Variants in BRCA2 observed in about 807,000 individuals in gnomAD.
BRCA2 encodes breast cancer type 2 susceptibility protein.
In BRCA2, 203 loss-of-function variants were observed where a neutral mutation model predicts 276.7. The observed-to-expected ratio is 0.73, with a 90% CI of 0.65 to 0.82. The LOEUF is 0.82. Ranked by LOEUF, BRCA2 falls within the 40% of genes least tolerant of loss-of-function variation. BRCA2 has a pLI of 0.00. For synonymous variants in BRCA2, 1,289 were observed against 1,338.4 expected, an observed-to-expected ratio of 0.96 and a Z score of 0.81; for missense variants, 3,920 against 3,915.0, an observed-to-expected ratio of 1.00 and a Z score of -0.03.
chr13:32,336,190 T>C, intron 10 of BRCA2, 75 bp from the exon 11 acceptor site: 1 of 1,485,282 alleles, frequency 6.7e-7, no homozygotes. Context: ...CACTACCTTT[T>C]TAACTTAGTG....
intron 16 of BRCA2, among the ~76,000 whole-genome samples, chr13:32,358,450 T>C (rs2072716273): frequency 6.9e-6 from 1 of 144,030 alleles, no homozygotes; most frequent in Admixed American, 7.2e-5. Flanking sequence ...CACTCCAGGC[T>C]GGGCGATAAG....
At chr13:32,321,218 T>A (rs183217712) in intron 3 of BRCA2, among the ~76,000 whole-genome samples, 1 of 152,068 alleles carries the variant, frequency 6.6e-6, no homozygotes, top group East Asian at 1.9e-4. Flanking sequence ...GATAAGGGAG[T>A]CATCCATTCT....
intron 24 of BRCA2, among the ~76,000 whole-genome samples, chr13:32,388,560 T>G (rs1314234161): frequency 6.6e-6 from 1 of 152,206 alleles, no homozygotes; most frequent in East Asian, 1.9e-4. Flanking sequence ...GGCCTTGCGT[T>G]AGATGATTTT....
chr13:32,385,046 CA>C, intron 24 of BRCA2: 1 of 318,216 alleles, frequency 3.1e-6, no homozygotes. Flanking sequence ...AAGAAGTTTT[CA>C]AGTCCTTTCT....
At chr13:32,362,339 T>C (rs982796041) in intron 16 of BRCA2, among the ~76,000 whole-genome samples, 184 bp from the exon 17 acceptor site, 1 of 152,224 alleles carries the variant, frequency 6.6e-6, no homozygotes, top group African/African-American at 2.4e-5. Flanking sequence ...AATGAAGTTT[T>C]TATCAGTATG....
At chr13:32,329,846 T>TA (rs1421480819) in intron 8 of BRCA2, among the ~76,000 whole-genome samples, 1 of 152,036 alleles carries the variant, frequency 6.6e-6, no homozygotes, top group African/African-American at 2.4e-5. Context: ...TATAAGCACA[T>TA]ACCCTGTGAT....
rs80359657 is a variant in BRCA2, at chr13:32,356,530, C to CA, written c.7543dup (p.Thr2515AsnfsTer24). 2 of 1,614,098 alleles carry CA rather than the reference C, an allele frequency of 1.2e-6. No homozygotes were observed. The highest frequency in any genetic ancestry group is 1.3e-5 in the African/African-American group (1 of 74,946). The stretch of plus-strand genomic sequence containing the variant: ...CCACAGCCAGGCAGTCTGTATCTTG[C>CA]AAAAACATCCACTCTGCCTCGAATC... On this transcript the variant is annotated frameshift_variant, in exon 15 of 27. Transcript: ENST00000380152. LOFTEE classifies it high-confidence loss of function.
chr13:32,376,588 G>T (rs2137611895), intron 20 of BRCA2, 82 bp from the exon 21 acceptor site: 2 of 1,437,846 alleles, frequency 1.4e-6, no homozygotes, highest in Non-Finnish European at 1.9e-6. Flanking sequence ...TCCCTTCTTT[G>T]GGTGTTTTAT....
intron 7 of BRCA2, 118 bp downstream of exon 7, chr13:32,326,731 G>T: frequency 1.3e-6 from 1 of 746,328 alleles, no homozygotes. Context: ...TCTTTGATAA[G>T]TGTGTTAGTA....
At chr13:32,380,877 C>G (rs2072920646) in intron 24 of BRCA2, among the ~76,000 whole-genome samples, 1 of 152,132 alleles carries the variant, frequency 6.6e-6, no homozygotes, top group Non-Finnish European at 1.5e-5. Context: ...TATGGTCTTA[C>G]TAAGTTCAAT....
intron 24 of BRCA2, among the ~76,000 whole-genome samples, chr13:32,391,940 A>C (rs183210340): frequency 2.0e-5 from 3 of 152,342 alleles, no homozygotes; most frequent in East Asian, 3.9e-4. Flanking sequence ...TCTGTATTCT[A>C]AATGTTTTTC....
intron 2 of BRCA2, among the ~76,000 whole-genome samples, chr13:32,316,850 T>C (rs2072265487): frequency 6.6e-6 from 1 of 152,190 alleles, no homozygotes; most frequent in Non-Finnish European, 1.5e-5. Context: ...AAAAATGATC[T>C]AGGACCCCCG....
In BRCA2 at chr13:32,340,136, A is replaced by C. The variant is rs773679288; in HGVS notation, c.5781A>C (p.Glu1927Asp). Residue 1927 changes from glutamate (E) to aspartate (D), a missense_variant, in exon 11 of 27, where the codon GAA becomes GAC. Coordinates refer to ENST00000380152, the MANE Select transcript of BRCA2 (RefSeq NM_000059.4). ...SHKVFADIQS[E>D]EILQHNQNMS... ...AGGTTTTTGCTGACATTCAGAGTGA[A>C]GAAATTTTACAACATAACCAAAATA... 6.2e-7 allele frequency: 1 copy of C among 1,613,326 alleles called. No homozygotes were observed.
rs587782581 is a variant in BRCA2 at position 32,338,125 on chromosome 13, C to T, written c.3770C>T (p.Pro1257Leu). Reference sequence around the variant, plus strand: ...GAGGAAACTTCTGCAGAGGTACATCCAATAAGTTTATCTTCAAGTAAATGT... The same window carrying T: ...GAGGAAACTTCTGCAGAGGTACATCTAATAAGTTTATCTTCAAGTAAATGT... ...ISEETSAEVHPISLSSSKCHD... is the reference protein window; with the variant it reads ...ISEETSAEVHLISLSSSKCHD... Residue 1257 changes from proline (P) to leucine (L), a missense_variant, in exon 11 of 27, where the codon CCA (proline) becomes CTA (leucine). Pro to Leu is a moderately conservative substitution (Grantham distance 98). Around this residue, in one of 2 missense-constraint regions of BRCA2, gnomAD observed 3,263 missense variants for 3,156.9 expected, o/e 1.03. Transcript: ENST00000380152. 6.2e-6 allele frequency: 10 copies of T among 1,606,872 alleles called. No homozygotes were observed. Among genetic ancestry groups the T allele is most frequent in the Non-Finnish European group, 8.5e-6 (10 of 1,176,550 alleles).
intron 13 of BRCA2, among the ~76,000 whole-genome samples, chr13:32,353,473 G>GAA (rs372403616): frequency 1.1e-5 from 1 of 91,286 alleles, no homozygotes; most frequent in Non-Finnish European, 2.4e-5. Flanking sequence ...GAGACTAAAA[G>GAA]CCCTTGTCAT....
In BRCA2 at chr13:32,376,797, A is replaced by C; in HGVS notation, c.8754+6A>C. On this transcript the variant is annotated splice_donor_region_variant and intron_variant, in intron 21 of 26. Transcript: ENST00000380152. ...CAGACCCAGCTTACCTTGAGGTGAG[A>C]GAGTAAGAGGACATATAATGAGGCT... 6.2e-7 allele frequency: 1 copy of C among 1,613,970 alleles called. No individual in the cohort carries two copies. Among genetic ancestry groups the C allele is most frequent in the Non-Finnish European group, 8.5e-7 (1 of 1,179,938 alleles).
In BRCA2 at chr13:32,340,486, G is replaced by C. The variant is rs56191579; in HGVS notation, c.6131G>C (p.Gly2044Ala). 1.4e-5 allele frequency: 23 copies of C among 1,613,582 alleles called. No individual in the cohort carries two copies. The highest frequency in any genetic ancestry group is 1.7e-4 in the Middle Eastern group (1 of 6,058). ...RTPEHLISQK[G>A]FSYNVVNSSA... ...CCAGAACATTTAATATCCCAAAAAG[G>C]CTTTTCATATAATGTGGTAAATTCA... Residue 2044 changes from glycine (G) to alanine (A), a missense_variant, in exon 11 of 27, where the codon GGC becomes GCC. This residue lies in a region of BRCA2 where 3,263 missense variants were observed against 3,156.9 expected (regional missense o/e 1.03). Coordinates refer to ENST00000380152, the MANE Select transcript of BRCA2 (RefSeq NM_000059.4).
rs764374133 is a variant in BRCA2 at position 32,362,516 on chromosome 13, TG to T, written c.7806-6del. The T allele has an allele frequency of 5.0e-6, 8 of 1,612,792 alleles. No homozygotes were observed. The highest frequency in any genetic ancestry group is 5.9e-6 in the Non-Finnish European group (7 of 1,178,962). On this transcript the variant is annotated splice_polypyrimidine_tract_variant and splice_region_variant and intron_variant, in intron 16 of 26. Transcript: ENST00000380152. ...TTTATGATAATATTCTACTTTTATT[TG>T]TTCAGGGCTCTGTGTGACACTCCAG...
At position 32,315,528 on chromosome 13, in the gene BRCA2, A is replaced by ACTGCTGCGCCT. The variant is rs965500519; in HGVS notation, c.-166_-156dup. 1.2e-4 allele frequency: 19 copies of ACTGCTGCGCCT among 152,414 alleles called. No individual in the cohort carries two copies. Among genetic ancestry groups the ACTGCTGCGCCT allele is most frequent in the East Asian group, 3.9e-4 (2 of 5,184 alleles). 9.4% of individuals were successfully genotyped at this position (152,414 alleles called of 1,614,324 possible). On this transcript the variant is annotated 5_prime_UTR_variant, in exon 1 of 27. Coordinates refer to ENST00000380152, the MANE Select transcript of BRCA2 (RefSeq NM_000059.4). The stretch of plus-strand genomic sequence containing the variant: ...GCGGCAGAGGCGGAGCCGCTGTGGC[A>ACTGCTGCGCCT]CTGCTGCGCCTCTGCTGCGCCTCGG...
Sources: allele counts gnomAD v4.1 joint callset (sites outside exome capture counted in the v4.1 genomes callset), GRCh38; gene constraint gnomAD v4.1.1; regional missense constraint gnomAD v4.1.1; transcripts MANE v1.5; gene names NCBI Gene and HGNC (gene_info 2026-07-23, HGNC 2026-07-21).